Variants in CYFIP1 observed in about 807,000 individuals in gnomAD.
The protein encoded by CYFIP1 is cytoplasmic FMR1-interacting protein 1.
A neutral mutation model predicts 163.5 loss-of-function variants in CYFIP1; 58 were observed. The observed-to-expected ratio is 0.35, with a 90% CI of 0.29 to 0.44. The LOEUF (loss-of-function observed/expected upper bound fraction) is 0.44, where lower values mean the gene tolerates loss of function less well. CYFIP1 is among the 20% of genes least tolerant of loss of function. The probability of loss-of-function intolerance (pLI) is 1.00; values close to 1 mark genes in which losing one functional copy is unlikely to be tolerated. For missense variants in CYFIP1, 1,338 were observed against 1,653.8 expected (o/e 0.81, Z 3.31); for synonymous variants, 663 against 660.7 (o/e 1.00, Z -0.05).
intron 6 of CYFIP1, among the ~76,000 whole-genome samples, chr15:22,941,585 T>A (rs1045931876): frequency 2.6e-5 from 4 of 151,918 alleles, no homozygotes; most frequent in Admixed American, 1.3e-4. Context: ...GGGGTGATGG[T>A]CTGGGAAGGT....
At chr15:22,896,166 T>C (rs2141974829) in intron 22 of CYFIP1, among the ~76,000 whole-genome samples, 1 of 152,232 alleles carries the variant, frequency 6.6e-6, no homozygotes. Context: ...ACTCTGCAGT[T>C]TGACAATGTC....
intron 6 of CYFIP1, among the ~76,000 whole-genome samples, chr15:22,939,750 C>T (rs1181107900): frequency 4.6e-5 from 7 of 152,090 alleles, no homozygotes; most frequent in Non-Finnish European, 1.0e-4. Context: ...GCTCTCCACC[C>T]GGCTGGTCAC....
At position 22,939,168 on chromosome 15, in the gene CYFIP1, G is replaced by A. The variant is rs761967215; in HGVS notation, c.795+24C>T. The A allele has an allele frequency of 4.0e-5, 65 of 1,613,686 alleles. 1 individual carries two copies. The highest frequency in any genetic ancestry group is 2.8e-4 in the Admixed American group (17 of 59,982). ...TAAGGCTGTCCCTCGGCAGTGCCAC[G>A]GGCTAGCGTCCCCACACACGTACTT... On this transcript the variant is annotated intron_variant, in intron 8 of 30. Transcript: ENST00000617928.
chr15:22,953,870 A>T (rs368692671), intron 1 of CYFIP1, among the ~76,000 whole-genome samples: 2 of 152,142 alleles, frequency 1.3e-5, no homozygotes, highest in East Asian at 1.9e-4. Context: ...CCTGGCTAAT[A>T]CAGTGAAACT....
At chr15:22,871,579 C>T (rs1052628599) in intron 30 of CYFIP1, among the ~76,000 whole-genome samples, 8 of 152,142 alleles carry the variant, frequency 5.3e-5, no homozygotes, top group East Asian at 1.9e-4. Flanking sequence ...CTCCACTCCA[C>T]GGGGCCTGGG....
At chr15:22,872,348 G>T (rs1234062052) in intron 30 of CYFIP1, among the ~76,000 whole-genome samples, 1 of 151,852 alleles carries the variant, frequency 6.6e-6, no homozygotes, top group African/African-American at 2.4e-5. Context: ...AAGAGATGTG[G>T]AGAATAGAAT....
chr15:22,875,361 A>G (rs1011338595), intron 26 of CYFIP1, 90 bp from the exon 27 acceptor site: 20 of 1,062,404 alleles, frequency 1.9e-5, no homozygotes, highest in Non-Finnish European at 2.6e-5. Flanking sequence ...TTTGCCTTTT[A>G]GCATAAAATA....
intron 21 of CYFIP1, among the ~76,000 whole-genome samples, chr15:22,905,949 C>CG (rs907878780): frequency 1.1e-4 from 16 of 150,226 alleles, no homozygotes; most frequent in Non-Finnish European, 2.1e-4. Context: ...TTAGTAGAGA[C>CG]GGGGTTTCAC....
rs763895932 is a variant in CYFIP1, at chr15:22,944,533, C to G, written c.387+25G>C. ...GCAACCCACCCCTCGGTGTTACACC[C>G]CCCCCAGATTATTTGCCATTTTACC... On this transcript the variant is annotated intron_variant, in intron 5 of 30. Coordinates refer to ENST00000617928, the MANE Select transcript of CYFIP1 (RefSeq NM_014608.6). 17 of 1,525,330 alleles carry G rather than the reference C, an allele frequency of 1.1e-5. No homozygotes were observed. The African/African-American group carries it at 2.3e-4, about 21-fold the overall frequency. The allele number at this position is 1,525,330 out of a possible 1,614,324, so 94.5% of individuals were successfully genotyped here.
intron 1 of CYFIP1, among the ~76,000 whole-genome samples, chr15:22,977,608 A>G (rs969407683): frequency 2.6e-5 from 4 of 152,140 alleles, no homozygotes; most frequent in African/African-American, 9.7e-5. Flanking sequence ...AGGTGGGTGG[A>G]TCACCTGAGG....
At chr15:22,947,525 C>T (rs2062101581) in intron 1 of CYFIP1, among the ~76,000 whole-genome samples, 1 of 152,060 alleles carries the variant, frequency 6.6e-6, no homozygotes, top group Non-Finnish European at 1.5e-5. Context: ...AGAACAGGCT[C>T]TCCTGGCCTC....
chr15:22,956,013 C>G (rs1264614379), intron 1 of CYFIP1, among the ~76,000 whole-genome samples: 1 of 152,088 alleles, frequency 6.6e-6, no homozygotes, highest in Non-Finnish European at 1.5e-5. Context: ...TTGAGACCAG[C>G]CTGGCTAACA....
intron 6 of CYFIP1, 80 bp downstream of exon 6, chr15:22,943,093 C>G: frequency 2.2e-6 from 3 of 1,379,694 alleles, no homozygotes; most frequent in Non-Finnish European, 3.0e-6. Context: ...CAAACAAAGA[C>G]GCACACCTGC....
chr15:22,885,035 C>G (rs1330346671), intron 23 of CYFIP1, among the ~76,000 whole-genome samples: 1 of 152,056 alleles, frequency 6.6e-6, no homozygotes, highest in African/African-American at 2.4e-5. Flanking sequence ...CCAAGAAAAC[C>G]ATTTTTCCCT....
rs1457977244 is a variant in CYFIP1, at chr15:22,916,134, C to A, written c.1828+343G>T. On this transcript the variant is annotated intron_variant, in intron 16 of 30. Transcript: ENST00000617928. ...GGCACCCGCCACCTTCCCCCCACGT[C>A]ATGGTCTGCAAGGGCCATTTCTAGT... Among the ~76,000 whole-genome samples, 9 of 152,350 alleles carry A rather than the reference C, an allele frequency of 5.9e-5. No individual in the cohort carries two copies. In the East Asian group the frequency reaches 1.7e-3, roughly 29 times the overall value.
At chr15:22,870,721 A>G (rs1188181959) in intron 30 of CYFIP1, among the ~76,000 whole-genome samples, 1 of 152,146 alleles carries the variant, frequency 6.6e-6, no homozygotes, top group Non-Finnish European at 1.5e-5. Context: ...CACAATTGAT[A>G]GGCCTATTCC....
chr15:22,897,628 C>G, intron 22 of CYFIP1, among the ~76,000 whole-genome samples: 1 of 151,916 alleles, frequency 6.6e-6, no homozygotes, highest in South Asian at 2.1e-4. Context: ...GGACTACAGT[C>G]GCCTGCCACC....
At chr15:22,887,979 A>G (rs1195421440) in intron 23 of CYFIP1, among the ~76,000 whole-genome samples, 3 of 152,122 alleles carry the variant, frequency 2.0e-5, no homozygotes, top group Non-Finnish European at 2.9e-5. Flanking sequence ...CTTTCACGAC[A>G]CTCTGAGCCT....
chr15:22,883,349 G>A (rs1291636842), intron 23 of CYFIP1, among the ~76,000 whole-genome samples: 1 of 152,178 alleles, frequency 6.6e-6, no homozygotes, highest in Non-Finnish European at 1.5e-5. Flanking sequence ...GATGCCCAAG[G>A]TCGGACCCTG....
Sources: gnomAD v4.1 joint callset for allele counts (sites outside exome capture counted in the v4.1 genomes callset) on GRCh38, gnomAD v4.1.1 for gene constraint, MANE v1.5 for transcripts, NCBI Gene and HGNC (gene_info 2026-07-23, HGNC 2026-07-21) for gene names.